Variants in POLR2F observed in about 807,000 individuals in gnomAD.
POLR2F encodes the protein DNA-directed RNA polymerases I, II, and III subunit RPABC2.
Under a neutral mutation model 22.7 loss-of-function variants are expected in POLR2F, and 12 were observed. The ratio of observed to expected loss-of-function variants is 0.53; its 90% CI spans 0.34 to 0.86. The LOEUF (loss-of-function observed/expected upper bound fraction) is 0.86, where lower values mean the gene tolerates loss of function less well. Ranked by LOEUF, POLR2F falls within the 40% of genes least tolerant of loss-of-function variation. POLR2F has a pLI of 0.02. For synonymous variants in POLR2F, 57 were observed against 66.0 expected (o/e 0.86, Z 0.66); for missense variants, 126 against 171.5 (o/e 0.73, Z 1.48).
chr22:37,955,431 C>T (rs1184787311), intron 1 of POLR2F, among the ~76,000 whole-genome samples: 4 of 150,944 alleles, frequency 2.6e-5, no homozygotes, highest in African/African-American at 7.3e-5. Flanking sequence ...CCCAGCTACT[C>T]GGGAGGCTGA....
At chr22:37,963,323 C>T (rs991467949) in intron 3 of POLR2F, among the ~76,000 whole-genome samples, 21 of 152,104 alleles carry the variant, frequency 1.4e-4, no homozygotes, top group Non-Finnish European at 3.1e-4. Flanking sequence ...CAGTTTGGCT[C>T]TATCACCCGG....
rs1408187759 is a variant in POLR2F, at chr22:37,980,989, A to T, written c.293+13819A>T. Among the ~76,000 whole-genome samples, 1 of 152,144 alleles carries T rather than the reference A, an allele frequency of 6.6e-6. No individual in the cohort carries two copies. Among genetic ancestry groups the T allele is most frequent in the Non-Finnish European group, 1.5e-5 (1 of 68,024 alleles). The stretch of plus-strand genomic sequence containing the variant: ...GGCTCTGGTTCTTTCCAGGCAGATC[A>T]GCCAACCCACAGGCACCACCCTGTG... On this transcript the variant is annotated intron_variant, in intron 4 of 4. Coordinates refer to the POLR2F transcript ENST00000405557. The surrounding 1 kb of genome is among the most constrained non-coding windows in gnomAD (Gnocchi z 4.1).
upstream of POLR2F, chr22:37,983,339 G>A (rs367655861): frequency 3.4e-4 from 538 of 1,598,830 alleles, 2 homozygotes; most frequent in Non-Finnish European, 6.2e-5. The surrounding 1 kb of genome is among the most constrained non-coding windows in gnomAD (Gnocchi z 9.5). Flanking sequence ...CGAGCCCGGG[G>A]GGCGGTCGGG....
intron 3 of POLR2F, among the ~76,000 whole-genome samples, chr22:37,965,001 A>T (rs1043422553): frequency 1.3e-5 from 2 of 152,064 alleles, no homozygotes; most frequent in African/African-American, 2.4e-5. Flanking sequence ...TACAGCCATA[A>T]TGGGACTCTG....
At chr22:37,983,638 G>T (rs1452115330), upstream of POLR2F, 2 of 1,600,478 alleles carry the variant, frequency 1.2e-6, no homozygotes, top group Middle Eastern at 1.7e-4. This position sits in a 1 kb window ranked among gnomAD's most constrained non-coding sequence, Gnocchi z 9.5. Flanking sequence ...TGCCCAGCTC[G>T]CCTGGCCCCG....
At chr22:38,032,006 C>CT (rs989666479) in intron 5 of POLR2F, among the ~76,000 whole-genome samples, 6 of 150,898 alleles carry the variant, frequency 4.0e-5, no homozygotes, top group Admixed American at 2.6e-4. Context: ...TTTTCTTTTA[C>CT]TTTTTTTTTG....
downstream of POLR2F, chr22:37,972,108 AAGAG>A (rs1432302771): frequency 8.4e-6 from 2 of 239,148 alleles, no homozygotes; most frequent in East Asian, 1.5e-4. Context: ...GAGAGAGAGA[AAGAG>A]AGGAGAGAAG....
intron 1 of POLR2F, chr22:38,025,623 C>A: frequency 6.4e-7 from 1 of 1,559,152 alleles, no homozygotes; most frequent in Non-Finnish European, 8.7e-7. Context: ...CCCTCCTACG[C>A]ACTGGCCCAC....
At position 37,978,009 on chromosome 22, in the gene POLR2F, C is replaced by G; in HGVS notation, c.293+10839C>G. On this transcript the variant is annotated intron_variant, in intron 4 of 4. Coordinates refer to the POLR2F transcript ENST00000405557. This position sits in a 1 kb window ranked among gnomAD's most constrained non-coding sequence, Gnocchi z 5.0. Reference sequence around the variant, plus strand: ...CCCCACCGGGGCACTCCGCCTCGCCCTGGGCGGCCTTCCCGTTCTTCCGCC... The same window carrying G: ...CCCCACCGGGGCACTCCGCCTCGCCGTGGGCGGCCTTCCCGTTCTTCCGCC... 1 of 1,611,818 alleles carries G rather than the reference C, an allele frequency of 6.2e-7. No individual in the cohort carries two copies. The highest frequency in any genetic ancestry group is 1.1e-5 in the South Asian group (1 of 90,988).
At chr22:37,970,433 T>A, downstream of POLR2F, among the ~76,000 whole-genome samples, 1 of 116,500 alleles carries the variant, frequency 8.6e-6, no homozygotes, top group Admixed American at 9.6e-5. Flanking sequence ...AAACCCTGTC[T>A]CTACTTAAAA....
Position 38,002,729 on chromosome 22 carries a change from G to A in POLR2F, c.120+16417G>A, listed in dbSNP as rs909663967. On this transcript the variant is annotated intron_variant, in intron 1 of 2. Transcript: ENST00000333418. ...GGAAAATGGCCTGATGGTGACTTTT[G>A]AGTCTTTTTTTTTTGAGACGGAGTC... is the stretch of plus-strand genomic sequence containing the variant. Among the ~76,000 whole-genome samples, 6 of 152,106 alleles carry A rather than the reference G, an allele frequency of 3.9e-5. No individual in the cohort carries two copies. The East Asian group carries it at 1.2e-3, about 29-fold the overall frequency.
intron 4 of POLR2F, among the ~76,000 whole-genome samples, chr22:37,975,603 G>A (rs1452958734): frequency 6.6e-6 from 1 of 152,196 alleles, no homozygotes; most frequent in Non-Finnish European, 1.5e-5. Context: ...AGCTCCCCAA[G>A]GACAGGCCTG....
At chr22:37,973,453 G>C, downstream of POLR2F, 4 of 1,325,570 alleles carry the variant, frequency 3.0e-6, no homozygotes, top group Non-Finnish European at 4.2e-6. Context: ...ACACAGGCTG[G>C]GGGCAGGGGC....
At chr22:38,003,927 G>A (rs182016812) in intron 1 of POLR2F, among the ~76,000 whole-genome samples, 63 of 152,250 alleles carry the variant, frequency 4.1e-4, no homozygotes, top group African/African-American at 1.5e-3. Context: ...TGGCAGCTGC[G>A]TGGTTGATGG....
In POLR2F at chr22:37,986,486, TC is replaced by T; in HGVS notation, c.120+175del. On this transcript the variant is annotated intron_variant, in intron 1 of 2. Transcript: ENST00000333418. The surrounding 1 kb of genome is among the most constrained non-coding windows in gnomAD (Gnocchi z 4.7). The stretch of plus-strand genomic sequence containing the variant: ...AATGTGGGGTCCCACAGCTGCCCCC[TC>T]TCTAACTCCCTGCTTCCTCCTTTGC... The T allele has an allele frequency of 7.1e-7, 1 of 1,401,902 alleles. No homozygotes were observed. Among genetic ancestry groups the T allele is most frequent in the Non-Finnish European group, 9.8e-7 (1 of 1,025,614 alleles). 86.8% of individuals were successfully genotyped at this position (1,401,902 alleles called of 1,614,324 possible).
At chr22:38,005,009 A>C (rs1339999765) in intron 1 of POLR2F, among the ~76,000 whole-genome samples, 2 of 152,206 alleles carry the variant, frequency 1.3e-5, no homozygotes, top group African/African-American at 4.8e-5. Flanking sequence ...AAAATATAGA[A>C]AAACAAGAAG....
intron 1 of POLR2F, among the ~76,000 whole-genome samples, chr22:37,989,154 C>A (rs1932668594): frequency 6.6e-6 from 1 of 152,154 alleles, no homozygotes; most frequent in Non-Finnish European, 1.5e-5. Context: ...CCACTAGTAC[C>A]CAAGGGGCCT....
At chr22:38,014,846 C>T (rs528336349) in intron 1 of POLR2F, among the ~76,000 whole-genome samples, 14 of 127,040 alleles carry the variant, frequency 1.1e-4, no homozygotes, top group South Asian at 1.0e-3. Flanking sequence ...CTTGCTCTGT[C>T]GCCCAGGCTG....
intron 5 of POLR2F, among the ~76,000 whole-genome samples, chr22:38,034,454 G>C (rs375310874): frequency 3.9e-5 from 6 of 152,206 alleles, no homozygotes; most frequent in African/African-American, 7.2e-5. Context: ...TCCAAGAAGC[G>C]GGGGAGGGGA....
Sources: allele counts gnomAD v4.1 joint callset (sites outside exome capture counted in the v4.1 genomes callset), GRCh38; gene constraint gnomAD v4.1.1; non-coding constraint Gnocchi (gnomAD v3.1); transcripts MANE v1.5; gene names NCBI Gene and HGNC (gene_info 2026-07-23, HGNC 2026-07-21).